The following COL11A1 variants were observed in gnomAD, a reference collection of about 807,000 sequenced individuals.
The protein encoded by COL11A1 is collagen type XI alpha 1 chain.
COL11A1 carries 74 observed loss-of-function variants against 265.2 expected under a neutral mutation model. That is an observed-to-expected ratio of 0.28 (90% confidence interval 0.23 to 0.34). The LOEUF (loss-of-function observed/expected upper bound fraction) is 0.34. Among genes scored for constraint, COL11A1 ranks in the 10% least tolerant of loss-of-function variants. COL11A1 has a pLI of 1.00. For missense variants in COL11A1, 2,165 were observed against 2,263.6 expected, an observed-to-expected ratio of 0.96 and a Z score of 0.88; for synonymous variants, 816 against 727.6, an observed-to-expected ratio of 1.12 and a Z score of -1.96.
At position 103,002,773 on chromosome 1, in the gene COL11A1, C is replaced by G. The variant is rs762115241; in HGVS notation, c.2017G>C (p.Gly673Arg). Reference sequence around the variant, plus strand: ...ATGTTCCCTTTTGGTCCTGGGGGGCCATCTACACCTGCCATACCCTGCAAT... The same window carrying G: ...ATGTTCCCTTTTGGTCCTGGGGGGCGATCTACACCTGCCATACCCTGCAAT... ...PGQPGMAGVD[G>R]PPGPKGNMGP... Residue 673 changes from glycine to arginine, a missense_variant, in exon 22 of 67, where the codon GGC (glycine) becomes CGC (arginine). Gly to Arg is a moderately radical substitution (Grantham distance 125). Transcript: ENST00000370096. 6.2e-7 allele frequency: 1 copy of G among 1,611,964 alleles called. No individual in the cohort carries two copies. The highest frequency in any genetic ancestry group is 8.5e-7 in the Non-Finnish European group (1 of 1,178,838).
At chr1:103,108,015 C>A in intron 1 of COL11A1, 58 bp downstream of exon 1, 1 of 1,218,056 alleles carries the variant, frequency 8.2e-7, no homozygotes, top group Non-Finnish European at 1.2e-6. Context: ...GGGGGAGGGG[C>A]GCAGAAGCAG....
intron 4 of COL11A1, among the ~76,000 whole-genome samples, chr1:103,059,221 C>T (rs765799758): frequency 2.0e-4 from 31 of 152,144 alleles, no homozygotes; most frequent in Non-Finnish European, 3.8e-4. Context: ...TCCCTCTGGT[C>T]TTCCATGTGG....
At chr1:103,079,088 T>C (rs1672203895) in intron 2 of COL11A1, among the ~76,000 whole-genome samples, 3 of 152,154 alleles carry the variant, frequency 2.0e-5, no homozygotes, top group Admixed American at 2.0e-4. Context: ...TCACTTAAAG[T>C]ACTTAAAGCA....
In COL11A1 at chr1:102,915,336, CTTTG is replaced by C. The variant is rs3056626; in HGVS notation, c.3816+291_3816+294del. Among the ~76,000 whole-genome samples the C allele has an allele frequency of 0.49, 75,018 of 151,642 alleles. 22,272 individuals are homozygous for C. Among genetic ancestry groups the C allele is most frequent in the East Asian group, 0.7 (3,566 of 5,112 alleles). On this transcript the variant is annotated intron_variant, in intron 50 of 66. Transcript: ENST00000370096. ...ACGTTTATTTAAGGCAGCAGGACTT[CTTTG>C]TTTGTTCCTTTTATGGACAGTTCAT...
chr1:102,984,729 C>A (rs1663372794), intron 30 of COL11A1, among the ~76,000 whole-genome samples: 4 of 151,898 alleles, frequency 2.6e-5, no homozygotes, highest in Admixed American at 6.6e-5. Context: ...AATTTTAAGA[C>A]AAATTTCTTC....
At chr1:103,037,937 T>C (rs1277184721) in intron 4 of COL11A1, among the ~76,000 whole-genome samples, 2 of 152,176 alleles carry the variant, frequency 1.3e-5, no homozygotes, top group East Asian at 3.9e-4. Context: ...TTTTGTTCCA[T>C]AAAATCATCT....
intron 38 of COL11A1, among the ~76,000 whole-genome samples, chr1:102,964,841 G>GA (rs1203808745): frequency 1.1e-4 from 17 of 152,206 alleles, no homozygotes; most frequent in African/African-American, 3.6e-4. Flanking sequence ...TGCCAGGGAA[G>GA]AAAAACATTA....
intron 4 of COL11A1, among the ~76,000 whole-genome samples, chr1:103,073,601 T>C (rs1671744879): frequency 6.6e-6 from 1 of 151,748 alleles, no homozygotes; most frequent in Non-Finnish European, 1.5e-5. Context: ...TACACACTAG[T>C]GGATAAAAGT....
chr1:103,055,250 T>C (rs1670152716), intron 4 of COL11A1, among the ~76,000 whole-genome samples: 1 of 152,208 alleles, frequency 6.6e-6, no homozygotes, highest in African/African-American at 2.4e-5. Context: ...ACTTGTTAGA[T>C]ACTGTATGAT....
At chr1:102,931,548 G>A (rs1444971701) in intron 46 of COL11A1, among the ~76,000 whole-genome samples, 1 of 152,176 alleles carries the variant, frequency 6.6e-6, no homozygotes, top group South Asian at 2.1e-4. Flanking sequence ...GTTTTGTGGT[G>A]CTGAAAAAAA....
intron 3 of COL11A1, among the ~76,000 whole-genome samples, chr1:103,075,349 T>G (rs1671893505): frequency 6.6e-6 from 1 of 152,158 alleles, no homozygotes; most frequent in Non-Finnish European, 1.5e-5. Context: ...TTTTTCCACT[T>G]TAATTTCAAG....
intron 7 of COL11A1, among the ~76,000 whole-genome samples, chr1:103,023,653 T>C (rs12749367): frequency 0.037 from 5,597 of 152,240 alleles, 121 homozygotes; most frequent in Middle Eastern, 0.092. Flanking sequence ...CTCCACACCC[T>C]GGCAGCTTTG....
In COL11A1 at chr1:103,014,834, A is replaced by C. The variant is rs115895503; in HGVS notation, c.1489-240T>G. The stretch of plus-strand genomic sequence containing the variant: ...AAGAAGAAACTAGAAACTCTGTTTC[A>C]ATTTTAAATGCTATAATTTCTATAC... On this transcript the variant is annotated intron_variant, in intron 12 of 66. Transcript: ENST00000370096. Among the ~76,000 whole-genome samples the C allele has an allele frequency of 3.8e-3, 582 of 152,232 alleles. 4 individuals carry two copies. Among genetic ancestry groups the C allele is most frequent in the Non-Finnish European group, 5.2e-3 (351 of 67,986 alleles).
chr1:103,009,521 G>A (rs1275095745), intron 14 of COL11A1, among the ~76,000 whole-genome samples: 1 of 152,160 alleles, frequency 6.6e-6, no homozygotes, highest in Non-Finnish European at 1.5e-5. Flanking sequence ...TAAACAAGTT[G>A]TGAGGTTTAA....
At chr1:103,008,091 T>C (rs1665788651) in intron 15 of COL11A1, among the ~76,000 whole-genome samples, 3 of 152,128 alleles carry the variant, frequency 2.0e-5, no homozygotes. Flanking sequence ...CTGCAATATG[T>C]TTTCAGCTTC....
intron 4 of COL11A1, among the ~76,000 whole-genome samples, chr1:103,071,423 T>C (rs768829559): frequency 3.4e-4 from 51 of 147,890 alleles, no homozygotes; most frequent in South Asian, 1.1e-3. Context: ...GAATCTTATT[T>C]AGCAGGAAAA....
At chr1:102,901,556 A>T (rs1024005733) in intron 54 of COL11A1, among the ~76,000 whole-genome samples, 2 of 152,186 alleles carry the variant, frequency 1.3e-5, no homozygotes, top group Non-Finnish European at 2.9e-5. Flanking sequence ...TTGTTGTCCC[A>T]ATAACTTATT....
intron 4 of COL11A1, among the ~76,000 whole-genome samples, chr1:103,032,062 T>C (rs1668037083): frequency 6.6e-6 from 1 of 152,138 alleles, no homozygotes; most frequent in Admixed American, 6.6e-5. Context: ...CTTTATTTCA[T>C]CATGAAACTA....
In COL11A1 at chr1:102,877,733, T is replaced by G. The variant is rs544305890; in HGVS notation, c.*286A>C. 2.9e-6 allele frequency: 1 copy of G among 344,320 alleles called. No homozygotes were observed. Among genetic ancestry groups the G allele is most frequent in the East Asian group, 5.7e-5 (1 of 17,614 alleles). 21.3% of individuals were successfully genotyped at this position (344,320 alleles called of 1,614,324 possible). A position where few individuals can be genotyped will look rare whatever the true frequency, so the allele number is the denominator to read the frequency against. On this transcript the variant is annotated 3_prime_UTR_variant, in exon 67 of 67. Coordinates refer to ENST00000370096, the MANE Select transcript of COL11A1 (RefSeq NM_001854.4). ...GAATATATATTTTTCTTTTTTTGTT[T>G]TCTACAGCACCAAAGAAATTCAAAT...
Sources: allele counts gnomAD v4.1 joint callset (sites outside exome capture counted in the v4.1 genomes callset), GRCh38; gene constraint gnomAD v4.1.1; transcripts MANE v1.5; gene names NCBI Gene and HGNC (gene_info 2026-07-23, HGNC 2026-07-21).